The following ANKRD54 variants were observed in gnomAD, a reference collection of about 807,000 sequenced individuals.
The protein encoded by ANKRD54 is ankyrin repeat domain 54.
A neutral mutation model predicts 36.2 loss-of-function variants in ANKRD54; 26 were observed. That is an observed-to-expected ratio of 0.72 (90% CI 0.53 to 1.00). The LOEUF (loss-of-function observed/expected upper bound fraction) is 1.00, where lower values mean the gene tolerates loss of function less well. ANKRD54 is among the 50% of genes least tolerant of loss of function. ANKRD54 has a pLI of 0.00. For missense variants in ANKRD54, 384 were observed against 424.3 expected (o/e 0.91, Z 0.83); for synonymous variants, 209 against 188.4 (o/e 1.11, Z -0.89).
chr22:37,845,568 T>C (rs1377239245), upstream of ANKRD54, among the ~76,000 whole-genome samples: 1 of 152,090 alleles, frequency 6.6e-6, no homozygotes, highest in South Asian at 2.1e-4. Flanking sequence ...ACCCTCCCAC[T>C]CAACCCAGTT....
intron 7 of ANKRD54, 93 bp from the exon 8 acceptor site, chr22:37,832,110 AC>A: frequency 8.1e-7 from 1 of 1,233,448 alleles, no homozygotes; most frequent in Non-Finnish European, 1.1e-6. Context: ...GAACACAGGC[AC>A]GGTCTCTCCT....
At chr22:37,838,430 G>T in intron 3 of ANKRD54, 70 bp downstream of exon 3, 1 of 1,449,410 alleles carries the variant, frequency 6.9e-7, no homozygotes, top group Non-Finnish European at 9.4e-7. Context: ...AGACAGCAGC[G>T]CCTCCCCCAA....
In ANKRD54 at chr22:37,841,552, AC is replaced by A. The variant is rs1569101770; in HGVS notation, c.329-1319del. Among the ~76,000 whole-genome samples, 414 of 147,610 alleles carry A rather than the reference AC, an allele frequency of 2.8e-3. 2 individuals carry two copies. The highest frequency in any genetic ancestry group is 8.4e-3 in the African/African-American group (329 of 39,256). On this transcript the variant is annotated intron_variant, in intron 1 of 7. Transcript: ENST00000215941. ...CACAAACACACACACACACACACAC[AC>A]ACACAAAAAACATAGGCCGGGCACA...
Position 37,843,919 on chromosome 22 carries a change from T to G in ANKRD54, c.320A>C (p.Glu107Ala). The change falls in exon 1 of 8, where the codon GAG becomes GCG. Residue 107 changes from glutamate (E) to alanine (A), a missense_variant. By Grantham distance (107) the Glu-to-Ala change is moderately radical (BLOSUM62 -1). Around this residue, in one of 3 missense-constraint regions of ANKRD54, gnomAD observed 195 missense variants for 177.7 expected, o/e 1.10. Transcript: ENST00000215941. ...CCGCTCGCGCCGCTCACCGTGCACC[T>G]CCTTGCCCGTGGGCCCGAGCCGCCG... ...PHRRLGPTGK[E>A]VHALKRLRDS... 7.5e-7 allele frequency: 1 copy of G among 1,337,806 alleles called. No homozygotes were observed. Among genetic ancestry groups the G allele is most frequent in the Non-Finnish European group, 9.5e-7 (1 of 1,047,816 alleles). 82.9% of individuals were successfully genotyped at this position (1,337,806 alleles called of 1,614,324 possible).
intron 1 of ANKRD54, among the ~76,000 whole-genome samples, chr22:37,840,739 T>G (rs971029205): frequency 1.3e-5 from 2 of 149,800 alleles, no homozygotes; most frequent in African/African-American, 4.9e-5. Flanking sequence ...TACAAAAAAA[T>G]TAGCCGGGTG....
chr22:37,843,901 C>G lies in ANKRD54; in HGVS notation c.328+10G>C. ...CCGCCCCGGGCCCCCGCGCCGCTCG[C>G]GCCGCTCACCGTGCACCTCCTTGCC... On this transcript the variant is annotated intron_variant, in intron 1 of 7. Coordinates refer to ENST00000215941, the MANE Select transcript of ANKRD54 (RefSeq NM_138797.4). The G allele has an allele frequency of 8.2e-7, 1 of 1,224,146 alleles. No homozygotes were observed. Among genetic ancestry groups the G allele is most frequent in the Non-Finnish European group, 1.0e-6 (1 of 984,516 alleles). The allele number at this position is 1,224,146 out of a possible 1,614,324, so 75.8% of individuals were successfully genotyped here. A position where few individuals can be genotyped will look rare whatever the true frequency, so the allele number is the denominator to read the frequency against.
intron 7 of ANKRD54, 96 bp from the exon 8 acceptor site, chr22:37,832,113 G>T: frequency 8.3e-7 from 1 of 1,198,090 alleles, no homozygotes; most frequent in Non-Finnish European, 1.2e-6. Flanking sequence ...CACAGGCACG[G>T]TCTCTCCTCC....
At position 37,844,020 on chromosome 22, in the gene ANKRD54, C is replaced by T; in HGVS notation, c.219G>A (p.Gln73=). ...SPLRYLHVLW[Q]QDAEPRDELR... ...GCTCGTCGCGCGGCTCCGCATCCTG[C>T]TGCCACAGGACGTGCAAGTAGCGCA... Residue 73 remains glutamine, a synonymous_variant, in exon 1 of 8, where the codon CAG becomes CAA. Coordinates refer to ENST00000215941, the MANE Select transcript of ANKRD54 (RefSeq NM_138797.4). 1 of 1,433,464 alleles carries T rather than the reference C, an allele frequency of 7.0e-7. No homozygotes were observed. Among genetic ancestry groups the T allele is most frequent in the Non-Finnish European group, 9.1e-7 (1 of 1,098,544 alleles). The allele number at this position is 1,433,464 out of a possible 1,614,324, so 88.8% of individuals were successfully genotyped here. A position where few individuals can be genotyped will look rare whatever the true frequency, so the allele number is the denominator to read the frequency against.
At chr22:37,842,267 G>GA (rs1386588647) in intron 1 of ANKRD54, among the ~76,000 whole-genome samples, 3 of 152,148 alleles carry the variant, frequency 2.0e-5, no homozygotes, top group Non-Finnish European at 2.9e-5. Flanking sequence ...AAAAAGAAAA[G>GA]AAAGACAGTG....
chr22:37,836,634 C>T (rs550677462), intron 3 of ANKRD54, among the ~76,000 whole-genome samples: 1 of 151,756 alleles, frequency 6.6e-6, no homozygotes, highest in South Asian at 2.1e-4. Context: ...GGCTTAAAAC[C>T]TAGATGACGG....
intron 1 of ANKRD54, among the ~76,000 whole-genome samples, chr22:37,843,132 C>G (rs1177351983): frequency 6.6e-6 from 1 of 152,208 alleles, no homozygotes; most frequent in African/African-American, 2.4e-5. Flanking sequence ...GATGAGAAAA[C>G]TAGGGCTGAG....
chr22:37,843,347 CG>C (rs376008256), intron 1 of ANKRD54, among the ~76,000 whole-genome samples: 69 of 152,118 alleles, frequency 4.5e-4, no homozygotes, highest in African/African-American at 1.6e-3. Flanking sequence ...CGCTTGAACC[CG>C]GGGGGCGGAG....
At chr22:37,844,430 C>T, upstream of ANKRD54, 2 of 555,682 alleles carry the variant, frequency 3.6e-6, no homozygotes, top group East Asian at 6.9e-5. Flanking sequence ...CCAGCTTAAA[C>T]CGGTCCCAAA....
chr22:37,833,775 AGAG>A lies in ANKRD54; in HGVS notation c.476-23_476-21del, dbSNP rs1569094540. The A allele has an allele frequency of 1.2e-6, 2 of 1,612,782 alleles. No homozygotes were observed. The highest frequency in any genetic ancestry group is 1.1e-5 in the South Asian group (1 of 91,074). On this transcript the variant is annotated intron_variant, in intron 3 of 7. Transcript: ENST00000215941. ...GCTGCACTGGAAACAGGCAAACCCA[AGAG>A]GAGTTGTCGGAGGCTTCCATTGCCT... is the stretch of plus-strand genomic sequence containing the variant.
chr22:37,836,447 CAAAAAAAAAAAA>C (rs760828902), intron 3 of ANKRD54, among the ~76,000 whole-genome samples: 103 of 22,638 alleles, frequency 4.5e-3, no homozygotes, highest in Non-Finnish European at 5.5e-3. Context: ...AACTCTGTCT[CAAAAAAAAAAAA>C]AAAAAAAAAA....
At position 37,841,848 on chromosome 22, in the gene ANKRD54, AAAATAAATAAAT is replaced by A. The variant is rs56891536; in HGVS notation, c.329-1626_329-1615del. On this transcript the variant is annotated intron_variant, in intron 1 of 7. Transcript: ENST00000215941. Reference sequence around the variant, plus strand: ...GGGCAATAGAGCAAGACTCTGTCTCAAAATAAATAAATAAATAAATAAATAAATAAATAAATA... The same window carrying A: ...GGGCAATAGAGCAAGACTCTGTCTCAAAATAAATAAATAAATAAATAAATA... Among the ~76,000 whole-genome samples the A allele has an allele frequency of 7.2e-3, 998 of 137,856 alleles. 15 individuals are homozygous for A. The highest frequency in any genetic ancestry group is 0.027 in the South Asian group (120 of 4,392). The allele number at this position is 137,856 out of a possible 152,430, so 90.4% of individuals were successfully genotyped here.
Position 37,844,050 on chromosome 22 carries a change from C to T in ANKRD54, c.189G>A (p.Ser63=). 1 of 1,436,124 alleles carries T rather than the reference C, an allele frequency of 7.0e-7. No individual in the cohort carries two copies. The highest frequency in any genetic ancestry group is 9.1e-7 in the Non-Finnish European group (1 of 1,102,334). The allele number at this position is 1,436,124 out of a possible 1,614,324, so 89.0% of individuals were successfully genotyped here. Residue 63 remains serine, a synonymous_variant, in exon 1 of 8, where the codon TCG becomes TCA. Transcript: ENST00000215941. ...ACAGGACGTGCAAGTAGCGCAGCGGCGACTGGGCCCCGCCGGACGCCCGGC... is the reference window on the plus strand; with the variant it reads ...ACAGGACGTGCAAGTAGCGCAGCGGTGACTGGGCCCCGCCGGACGCCCGGC... ...LSGRASGGAQ[S]PLRYLHVLWQ...
chr22:37,833,768 A>G lies in ANKRD54; in HGVS notation c.476-13T>C. 1 of 1,613,688 alleles carries G rather than the reference A, an allele frequency of 6.2e-7. No individual in the cohort carries two copies. On this transcript the variant is annotated splice_polypyrimidine_tract_variant and intron_variant, in intron 3 of 7. Coordinates refer to ENST00000215941, the MANE Select transcript of ANKRD54 (RefSeq NM_138797.4). The stretch of plus-strand genomic sequence containing the variant: ...AGGAGCAGCTGCACTGGAAACAGGC[A>G]AACCCAAGAGGAGTTGTCGGAGGCT...
rs144267815 is a variant in ANKRD54, at chr22:37,839,109, A to C, written c.377-511T>G. 3.0e-3 allele frequency among the ~76,000 whole-genome samples: 451 copies of C among 152,218 alleles called. 3 individuals are homozygous for C. Among genetic ancestry groups the C allele is most frequent in the African/African-American group, 0.01 (433 of 41,538 alleles). On this transcript the variant is annotated intron_variant, in intron 2 of 7. Transcript: ENST00000215941. ...AGGCTGGTCTCGACCTCCTGACCTT[A>C]GGTGATCCGCCCACTTCAGCCTCCC...
Sources: gnomAD v4.1 joint callset for allele counts (sites outside exome capture counted in the v4.1 genomes callset) on GRCh38, gnomAD v4.1.1 for gene constraint, gnomAD v4.1.1 regional missense constraint, MANE v1.5 for transcripts, NCBI Gene and HGNC (gene_info 2026-07-23, HGNC 2026-07-21) for gene names.